The following ROBO2 variants were observed in gnomAD, a reference collection of about 807,000 sequenced individuals.
The protein encoded by ROBO2 is roundabout homolog 2.
ROBO2 carries 53 observed loss-of-function variants against 160.8 expected under a neutral mutation model. The ratio of observed to expected loss-of-function variants is 0.33; its 90% CI spans 0.26 to 0.41. The LOEUF is 0.41. Among genes scored for constraint, ROBO2 ranks in the 10% least tolerant of loss-of-function variants. The probability of loss-of-function intolerance (pLI) is 1.00; values close to 1 mark genes in which losing one functional copy is unlikely to be tolerated. For synonymous variants in ROBO2, 664 were observed against 611.7 expected, an observed-to-expected ratio of 1.09 and a Z score of -1.26; for missense variants, 1,577 against 1,722.4, an observed-to-expected ratio of 0.92 and a Z score of 1.49.
At chr3:76,124,720 A>G (rs933301662) in intron 2 of ROBO2, among the ~76,000 whole-genome samples, 1 of 152,196 alleles carries the variant, frequency 6.6e-6, no homozygotes, top group African/African-American at 2.4e-5. Flanking sequence ...TTAATCTAGA[A>G]AAATGTTTCA....
intron 2 of ROBO2, among the ~76,000 whole-genome samples, chr3:76,137,145 G>A (rs1042542950): frequency 7.9e-5 from 12 of 151,984 alleles, no homozygotes; most frequent in East Asian, 1.9e-4. Flanking sequence ...CTTTTGCCCC[G>A]AGAATACTTG....
intron 2 of ROBO2, among the ~76,000 whole-genome samples, chr3:76,185,215 T>TATAGAGATATATATATATATATAC: frequency 3.3e-5 from 3 of 90,290 alleles, no homozygotes; most frequent in African/African-American, 1.1e-4. Context: ...TATATATATA[T>TATAGAGATATATATATATATATAC]ACACACACAA....
chr3:77,445,348 T>C (rs1270926617), intron 2 of ROBO2, among the ~76,000 whole-genome samples: 1 of 152,128 alleles, frequency 6.6e-6, no homozygotes, highest in Non-Finnish European at 1.5e-5. Flanking sequence ...GTCACTTACC[T>C]CAAAATCAAT....
At chr3:76,521,141 C>T (rs1577854830) in intron 2 of ROBO2, among the ~76,000 whole-genome samples, 2 of 143,598 alleles carry the variant, frequency 1.4e-5, no homozygotes, top group East Asian at 4.2e-4. Context: ...CTTTGCCTTT[C>T]GGGTTCAAGC....
chr3:77,358,557 C>A (rs549616974), intron 2 of ROBO2, among the ~76,000 whole-genome samples: 1 of 152,172 alleles, frequency 6.6e-6, no homozygotes, highest in African/African-American at 2.4e-5. Flanking sequence ...TTTTATGTTT[C>A]ATTCTTGAAC....
chr3:77,499,457 C>A (rs1398145990), intron 5 of ROBO2, among the ~76,000 whole-genome samples: 2 of 152,050 alleles, frequency 1.3e-5, no homozygotes, highest in Non-Finnish European at 2.9e-5. Flanking sequence ...GATGCACATA[C>A]ATGGTGCCTC....
rs972962496 is a variant in ROBO2, at chr3:76,359,610, T to A, written c.109+422008T>A. On this transcript the variant is annotated intron_variant, in intron 2 of 26. Transcript: ENST00000487694. Reference sequence around the variant, plus strand: ...TTATACATATTTCTCAGGCTTGGATTTTTTTCTCAACATCATTTCTATCAT... The same window carrying A: ...TTATACATATTTCTCAGGCTTGGATATTTTTCTCAACATCATTTCTATCAT... Among the ~76,000 whole-genome samples the A allele has an allele frequency of 4.6e-5, 7 of 152,204 alleles. No homozygotes were observed. The South Asian group carries it at 1.4e-3, about 31-fold the overall frequency.
intron 2 of ROBO2, among the ~76,000 whole-genome samples, chr3:77,123,632 C>A (rs2150288941): frequency 6.6e-6 from 1 of 151,242 alleles, no homozygotes; most frequent in South Asian, 2.1e-4. Flanking sequence ...TTTAACAATT[C>A]TAGAGAGTGG....
At chr3:77,339,217 G>T (rs1417135672) in intron 2 of ROBO2, among the ~76,000 whole-genome samples, 1 of 151,868 alleles carries the variant, frequency 6.6e-6, no homozygotes, top group Admixed American at 6.6e-5. Context: ...ATTCCGTATG[G>T]TTGAAGTAGA....
chr3:76,452,472 A>G (rs1309707855), intron 2 of ROBO2, among the ~76,000 whole-genome samples: 4 of 151,938 alleles, frequency 2.6e-5, no homozygotes, highest in Middle Eastern at 3.2e-3. Context: ...ATGATTTCCA[A>G]TTTCATCCAT....
chr3:77,583,152 C>A (rs1474427402), intron 16 of ROBO2, among the ~76,000 whole-genome samples: 1,566 of 53,372 alleles, frequency 0.029, 35 homozygotes, highest in African/African-American at 0.053. Context: ...TCTGTCTCTC[C>A]AAAAAAAAAA....
chr3:76,000,506 T>A (rs1327528942), intron 2 of ROBO2, among the ~76,000 whole-genome samples: 1 of 150,934 alleles, frequency 6.6e-6, no homozygotes, highest in African/African-American at 2.4e-5. Flanking sequence ...TTTTTTTTTT[T>A]TTGACGGACT....
chr3:76,076,590 A>G (rs900464748), intron 2 of ROBO2, among the ~76,000 whole-genome samples: 2 of 152,194 alleles, frequency 1.3e-5, no homozygotes, highest in African/African-American at 4.8e-5. Context: ...CAAGCTATAA[A>G]ATTAATTTTA....
At chr3:76,243,856 C>G (rs907951245) in intron 2 of ROBO2, among the ~76,000 whole-genome samples, 1 of 151,842 alleles carries the variant, frequency 6.6e-6, no homozygotes, top group African/African-American at 2.4e-5. Context: ...AAATAGAAAC[C>G]AACATTTTGT....
intron 5 of ROBO2, among the ~76,000 whole-genome samples, chr3:77,514,293 T>C (rs887227799): frequency 2.6e-5 from 4 of 151,766 alleles, no homozygotes; most frequent in Non-Finnish European, 5.9e-5. Context: ...AGAATAATTT[T>C]AAAGGAAATA....
chr3:76,450,092 C>T (rs748424794), intron 2 of ROBO2, among the ~76,000 whole-genome samples: 5 of 147,654 alleles, frequency 3.4e-5, no homozygotes, highest in Non-Finnish European at 7.4e-5. Flanking sequence ...GCACATCAGA[C>T]GTTTGGAAGA....
chr3:77,169,170 T>C (rs916107962), intron 2 of ROBO2, among the ~76,000 whole-genome samples: 2 of 152,220 alleles, frequency 1.3e-5, no homozygotes, highest in Admixed American at 1.3e-4. Context: ...GTGTTCTTAT[T>C]TGCTGAGTGA....
chr3:77,550,384 T>C (rs1160911365), intron 7 of ROBO2, among the ~76,000 whole-genome samples: 3 of 152,018 alleles, frequency 2.0e-5, no homozygotes, highest in African/African-American at 7.2e-5. Flanking sequence ...CAATCATATT[T>C]TGCATTCTTC....
intron 2 of ROBO2, among the ~76,000 whole-genome samples, chr3:76,735,770 AAAAAAG>A (rs1257071163): frequency 0.031 from 1,388 of 44,306 alleles, 77 homozygotes; most frequent in Middle Eastern, 0.088. Context: ...AAAAAAAAAA[AAAAAAG>A]AAAAAAAAAA....
Sources: allele counts gnomAD v4.1 joint callset (sites outside exome capture counted in the v4.1 genomes callset), GRCh38; gene constraint gnomAD v4.1.1; transcripts MANE v1.5; gene names NCBI Gene and HGNC (gene_info 2026-07-23, HGNC 2026-07-21).